PIGQ: variants seen among roughly 807,000 people sequenced by gnomAD.
The protein encoded by PIGQ is phosphatidylinositol N-acetylglucosaminyltransferase subunit Q.
PIGQ carries 54 observed loss-of-function variants against 60.3 expected under a neutral mutation model. The observed-to-expected ratio is 0.90, with a 90% CI of 0.72 to 1.12. PIGQ has a LOEUF of 1.12. Ranked by LOEUF, PIGQ falls within the 50% of genes most tolerant of loss-of-function variation. The pLI is 0.00. For synonymous variants in PIGQ, 416 were observed against 363.7 expected (o/e 1.14, Z -1.64); for missense variants, 799 against 793.5 (o/e 1.01, Z -0.08).
chr16:583,692 C>T lies in PIGQ; in HGVS notation c.*657C>T, dbSNP rs1162853950. On this transcript the variant is annotated 3_prime_UTR_variant, in exon 11 of 11. Transcript: ENST00000321878. ...GCTGCTGTGGGGGCGGGAGCAGCCT[C>T]AGTGTCAAGGGCCCGCCCACTGACC... The T allele has an allele frequency of 1.3e-6, 2 of 1,581,854 alleles. No individual in the cohort carries two copies. Among genetic ancestry groups the T allele is most frequent in the Non-Finnish European group, 1.7e-6 (2 of 1,156,274 alleles).
chr16:582,436 G>C, intron 10 of PIGQ, 127 bp downstream of exon 10: 1 of 698,280 alleles, frequency 1.4e-6, no homozygotes, highest in Non-Finnish European at 2.4e-6. Context: ...GGGCCCAGTG[G>C]AGCTGAGGGG....
At chr16:571,050 T>G (rs1350011070) in intron 1 of PIGQ, among the ~76,000 whole-genome samples, 2 of 20,640 alleles carry the variant, frequency 9.7e-5, no homozygotes, top group Admixed American at 5.0e-4. Context: ...TGTGTGTGTG[T>G]GTGTGTGTGT....
Position 570,014 on chromosome 16 carries a change from C to G in PIGQ, c.-92C>G, listed in dbSNP as rs949454504. 8 of 149,446 alleles carry G rather than the reference C, an allele frequency of 5.4e-5. No homozygotes were observed. The highest frequency in any genetic ancestry group is 4.5e-5 in the Non-Finnish European group (3 of 66,934). The allele number at this position is 149,446 out of a possible 1,614,324, so 9.3% of individuals were successfully genotyped here. A position where few individuals can be genotyped will look rare whatever the true frequency, so the allele number is the denominator to read the frequency against. The stretch of plus-strand genomic sequence containing the variant: ...CGGCGGGGCTGGAGGCAGCGAGCGC[C>G]GTCGTCTGCCCGGGCCCGCCCATCG... On this transcript the variant is annotated 5_prime_UTR_variant, in exon 1 of 11. Transcript: ENST00000321878.
intron 5 of PIGQ, 105 bp from the exon 6 acceptor site, chr16:578,680 C>A (rs62030867): frequency 1.4e-6 from 2 of 1,476,364 alleles, no homozygotes; most frequent in East Asian, 4.6e-5. Flanking sequence ...GGGCTGACCC[C>A]ACCCTGCCAG....
chr16:571,488 C>CTGTGTGTG (rs71299924), intron 1 of PIGQ, among the ~76,000 whole-genome samples: 6,151 of 61,592 alleles, frequency 0.1, 688 homozygotes, highest in East Asian at 0.37. Context: ...TCTGGTTAGC[C>CTGTGTGTG]TGTGTGTGTG....
At position 583,973 on chromosome 16, in the gene PIGQ, G is replaced by T; in HGVS notation, c.*938G>T. The stretch of plus-strand genomic sequence containing the variant: ...GAGGGGAGCCTGCAGGTGCCGGCTG[G>T]TGAGGGGATGACGCGCTGTGGGTGG... On this transcript the variant is annotated 3_prime_UTR_variant, in exon 11 of 11. Transcript: ENST00000321878. The T allele has an allele frequency of 2.5e-6, 1 of 406,264 alleles. No homozygotes were observed. Among genetic ancestry groups the T allele is most frequent in the East Asian group, 5.5e-5 (1 of 18,182 alleles). The allele number at this position is 406,264 out of a possible 1,614,324, so 25.2% of individuals were successfully genotyped here.
In PIGQ at chr16:583,263, C is replaced by T. The variant is rs375475893; in HGVS notation, c.*228C>T. ...CGCACTCCATCACTGGCACTGCCTG[C>T]CTTGGGACCCGCTTCCCACCTGCTG... On this transcript the variant is annotated 3_prime_UTR_variant, in exon 11 of 11. Coordinates refer to ENST00000321878, the MANE Select transcript of PIGQ (RefSeq NM_004204.5). 5 of 1,612,942 alleles carry T rather than the reference C, an allele frequency of 3.1e-6. No individual in the cohort carries two copies. Among genetic ancestry groups the T allele is most frequent in the East Asian group, 2.2e-5 (1 of 44,876 alleles).
intron 1 of PIGQ, chr16:572,396 C>A: frequency 2.4e-6 from 1 of 409,602 alleles, no homozygotes; most frequent in Non-Finnish European, 4.9e-6. Context: ...CTGGATCCTC[C>A]AGCCCCAGTG....
intron 1 of PIGQ, among the ~76,000 whole-genome samples, chr16:572,285 G>A (rs1253099927): frequency 4.7e-5 from 7 of 150,452 alleles, no homozygotes; most frequent in East Asian, 2.0e-4. Context: ...GCATCCACCC[G>A]CCGCCTGCCC....
intron 4 of PIGQ, 153 bp downstream of exon 4, chr16:576,407 G>C: frequency 2.2e-6 from 2 of 913,412 alleles, no homozygotes; most frequent in South Asian, 3.4e-5. Context: ...ACCAGAAGCA[G>C]GAACTCCAGG....
chr16:581,313 C>T (rs1177594487), intron 9 of PIGQ: 4 of 1,277,808 alleles, frequency 3.1e-6, no homozygotes, highest in Non-Finnish European at 3.0e-6. Flanking sequence ...GTCAGAGGCA[C>T]TAGGAGCCAG....
chr16:581,515 T>G (rs1260876010), intron 9 of PIGQ, among the ~76,000 whole-genome samples: 1 of 151,032 alleles, frequency 6.6e-6, no homozygotes, highest in Non-Finnish European at 1.5e-5. Context: ...CAGGCTGGAG[T>G]GCAATGGCGC....
intron 4 of PIGQ, among the ~76,000 whole-genome samples, chr16:577,702 T>C (rs1485485760): frequency 6.6e-6 from 1 of 152,092 alleles, no homozygotes; most frequent in Admixed American, 6.5e-5. Context: ...TCACTCACTG[T>C]CTCCTTAGTG....
intron 7 of PIGQ, 172 bp from the exon 8 acceptor site, chr16:580,011 G>A (rs944454853): frequency 5.7e-6 from 3 of 528,388 alleles, no homozygotes; most frequent in Non-Finnish European, 1.0e-5. Flanking sequence ...TCCGTGGGGT[G>A]TGGGTGGACA....
chr16:581,921 AC>A, intron 9 of PIGQ: 1 of 370,708 alleles, frequency 2.7e-6, no homozygotes, highest in Non-Finnish European at 5.2e-6. Context: ...ACGCCATCAC[AC>A]CCGGCTAATT....
At chr16:578,345 CCCCCGCCCCAG>C in intron 4 of PIGQ, 23 bp from the exon 5 acceptor site, 1 of 1,589,388 alleles carries the variant, frequency 6.3e-7, no homozygotes, top group Non-Finnish European at 8.5e-7. Flanking sequence ...AGCCTGGCTG[CCCCCGCCCCAG>C]CGTGGCCCCT....
At chr16:572,662 T>C (rs529553384) in intron 1 of PIGQ, 1 of 455,610 alleles carries the variant, frequency 2.2e-6, no homozygotes, top group South Asian at 1.6e-5. Context: ...TCCCACTCTG[T>C]TCCCTCGTCC....
chr16:580,169 GC>G lies in PIGQ; in HGVS notation c.1336-10del. ...GGTCCTGCTGATGCCCGGTGTGCTG[GC>G]CCCTCCCTACAGCTGTTCATCGGGA... On this transcript the variant is annotated splice_polypyrimidine_tract_variant and intron_variant, in intron 7 of 10. Transcript: ENST00000321878. 1.2e-6 allele frequency: 2 copies of G among 1,604,364 alleles called. No individual in the cohort carries two copies. Among genetic ancestry groups the G allele is most frequent in the Non-Finnish European group, 1.7e-6 (2 of 1,174,104 alleles).
Position 575,819 on chromosome 16 carries a change from T to C in PIGQ, c.690-20T>C, listed in dbSNP as rs1267097236. 1 of 1,552,192 alleles carries C rather than the reference T, an allele frequency of 6.4e-7. No homozygotes were observed. Among genetic ancestry groups the C allele is most frequent in the East Asian group, 2.4e-5 (1 of 41,344 alleles). ...GAGGATCTGGAGAGGGACACATCACTCCTCTCCACTCCCACGCAGAGTGTT... is the reference window on the plus strand; with the variant it reads ...GAGGATCTGGAGAGGGACACATCACCCCTCTCCACTCCCACGCAGAGTGTT... On this transcript the variant is annotated intron_variant, in intron 2 of 10. Coordinates refer to ENST00000321878, the MANE Select transcript of PIGQ (RefSeq NM_004204.5).
Sources: allele counts gnomAD v4.1 joint callset (sites outside exome capture counted in the v4.1 genomes callset), GRCh38; gene constraint gnomAD v4.1.1; transcripts MANE v1.5; gene names NCBI Gene and HGNC (gene_info 2026-07-23, HGNC 2026-07-21).